CCNF: variants seen among roughly 807,000 people sequenced by gnomAD.
The protein encoded by CCNF is cyclin-F.
A neutral mutation model predicts 85.4 loss-of-function variants in CCNF; 30 were observed. The observed-to-expected ratio is 0.35, with a 90% CI of 0.26 to 0.48. The LOEUF is 0.48. Among genes scored for constraint, CCNF ranks in the 20% least tolerant of loss-of-function variants. The probability of loss-of-function intolerance (pLI) is 0.99; values close to 1 mark genes in which losing one functional copy is unlikely to be tolerated. For missense variants in CCNF, 919 were observed against 1,010.4 expected, an observed-to-expected ratio of 0.91 and a Z score of 1.23; for synonymous variants, 439 against 425.1, an observed-to-expected ratio of 1.03 and a Z score of -0.40.
In CCNF at chr16:2,445,580, G is replaced by T; in HGVS notation, c.1052G>T (p.Arg351Met). The T allele has an allele frequency of 3.1e-6, 5 of 1,613,710 alleles. No homozygotes were observed. Among genetic ancestry groups the T allele is most frequent in the African/African-American group, 1.3e-5 (1 of 75,040 alleles). The stretch of plus-strand genomic sequence containing the variant: ...CGGAGGAGGCTGGTGCCGCGGTACA[G>T]GCTCCAGCTGCTGGGCATCGCCTGC... Reference protein sequence around the residue: ...YLRRRLVPRYRLQLLGIACMV... With the variant: ...YLRRRLVPRYMLQLLGIACMV... Residue 351 changes from arginine to methionine, a missense_variant, in exon 10 of 17, where the codon AGG becomes ATG. Coordinates refer to ENST00000397066, the MANE Select transcript of CCNF (RefSeq NM_001761.3).
At position 2,456,435 on chromosome 16, in the gene CCNF, G is replaced by C. The variant is rs574904284; in HGVS notation, c.1886-110G>C. 1.4e-6 allele frequency: 1 copy of C among 709,152 alleles called. No individual in the cohort carries two copies. The allele number at this position is 709,152 out of a possible 1,614,324, so 43.9% of individuals were successfully genotyped here. A position where few individuals can be genotyped will look rare whatever the true frequency, so the allele number is the denominator to read the frequency against. The stretch of plus-strand genomic sequence containing the variant: ...CCACAGGAGGGTAACACAGGGGACC[G>C]TAGCAAGGTAGAAGATTCTTGACCT... On this transcript the variant is annotated intron_variant, in intron 16 of 16. Coordinates refer to ENST00000397066, the MANE Select transcript of CCNF (RefSeq NM_001761.3). This position sits in a 1 kb window ranked among gnomAD's most constrained non-coding sequence, Gnocchi z 4.5.
At chr16:2,437,056 C>T in intron 4 of CCNF, 73 bp from the exon 5 acceptor site, 1 of 1,332,798 alleles carries the variant, frequency 7.5e-7, no homozygotes, top group Non-Finnish European at 1.0e-6. Context: ...CACTTTCCAC[C>T]AAGACCATGG....
At chr16:2,450,448 T>G (rs1459747831) in intron 13 of CCNF, among the ~76,000 whole-genome samples, 1 of 150,390 alleles carries the variant, frequency 6.6e-6, no homozygotes, top group African/African-American at 2.5e-5. Flanking sequence ...GAGGCAGAGG[T>G]TGCGGTGAGC....
chr16:2,435,146 G>T (rs935314800), intron 3 of CCNF, among the ~76,000 whole-genome samples: 9 of 151,390 alleles, frequency 5.9e-5, no homozygotes, highest in Non-Finnish European at 1.0e-4. Flanking sequence ...AGCTACTCGG[G>T]AGGCTGAGGC....
At chr16:2,429,537 C>A in intron 1 of CCNF, 40 bp downstream of exon 1, 2 of 1,228,322 alleles carry the variant, frequency 1.6e-6, no homozygotes, top group Non-Finnish European at 2.0e-6. Flanking sequence ...TGCCCCACAC[C>A]CCTTCTGCCT....
In CCNF at chr16:2,439,791, A is replaced by G; in HGVS notation, c.742A>G (p.Arg248Gly). 1 of 1,614,136 alleles carries G rather than the reference A, an allele frequency of 6.2e-7. No homozygotes were observed. The highest frequency in any genetic ancestry group is 8.5e-7 in the Non-Finnish European group (1 of 1,180,006). ...GRCLHSFRKL[R>G]DYAAKGCWEA... ...ATGCCTCCACAGCTTCCGAAAACTC[A>G]GGGACTACGCTGCCAAAGGCTGCTG... Residue 248 changes from arginine to glycine, a missense_variant, in exon 8 of 17, where the codon AGG (arginine) becomes GGG (glycine). By Grantham distance (125) the Arg-to-Gly change is moderately radical. Around this residue, in one of 3 missense-constraint regions of CCNF, gnomAD observed 410 missense variants for 478.6 expected, o/e 0.86. Transcript: ENST00000397066.
In CCNF at chr16:2,445,718, T is replaced by G. The variant is rs573616639; in HGVS notation, c.1094+96T>G. ...CATGTGCTCCTCACTGGTTTGGTTT[T>G]GTTTTGTGTTGTTTTTTTTTTTTTC... On this transcript the variant is annotated intron_variant, in intron 10 of 16. Transcript: ENST00000397066. 1,597 of 1,081,398 alleles carry G rather than the reference T, an allele frequency of 1.5e-3. 23 individuals carry two copies. The South Asian group carries it at 0.018, about 12-fold the overall frequency. The allele number at this position is 1,081,398 out of a possible 1,614,324, so 67.0% of individuals were successfully genotyped here.
At position 2,453,585 on chromosome 16, in the gene CCNF, G is replaced by T; in HGVS notation, c.1715+48G>T. The T allele has an allele frequency of 1.2e-6, 2 of 1,610,014 alleles. No individual in the cohort carries two copies. The highest frequency in any genetic ancestry group is 1.7e-6 in the Non-Finnish European group (2 of 1,177,840). Reference sequence around the variant, plus strand: ...TGCGCCATACAATGCTGGCATCCTCGTGCCGGCCCAGTTCCCTCAGCGCTT... The same window carrying T: ...TGCGCCATACAATGCTGGCATCCTCTTGCCGGCCCAGTTCCCTCAGCGCTT... On this transcript the variant is annotated intron_variant, in intron 15 of 16. Transcript: ENST00000397066. The surrounding 1 kb of genome is among the most constrained non-coding windows in gnomAD (Gnocchi z 5.6).
chr16:2,450,079 C>T (rs897767837), intron 13 of CCNF, among the ~76,000 whole-genome samples, 164 bp downstream of exon 13: 9 of 151,840 alleles, frequency 5.9e-5, no homozygotes, highest in African/African-American at 1.9e-4. Context: ...TGGTGGTGCA[C>T]GCCTATAATT....
At chr16:2,445,349 C>G (rs767883143) in intron 9 of CCNF, 109 bp from the exon 10 acceptor site, 3 of 1,277,186 alleles carry the variant, frequency 2.3e-6, no homozygotes, top group Non-Finnish European at 2.2e-6. Flanking sequence ...ACCCATGATT[C>G]CAGAGCTAGC....
intron 10 of CCNF, 52 bp from the exon 11 acceptor site, chr16:2,448,802 AC>A: frequency 1.9e-6 from 3 of 1,583,544 alleles, no homozygotes; most frequent in Non-Finnish European, 2.6e-6. Context: ...CCTCCGCCCC[AC>A]CCCTGCCCCA....
Position 2,437,438 on chromosome 16 carries a change from A to G in CCNF, c.540+116A>G. 5.3e-6 allele frequency: 4 copies of G among 753,058 alleles called. No individual in the cohort carries two copies. In the South Asian group the frequency reaches 8.8e-5, roughly 16 times the overall value. The allele number at this position is 753,058 out of a possible 1,614,324, so 46.6% of individuals were successfully genotyped here. A position where few individuals can be genotyped will look rare whatever the true frequency, so the allele number is the denominator to read the frequency against. ...AGTCAGGAGCCTAAGGGAAGTGAAG[A>G]TGCAGAAAACTGAGAGTGCAGATAT... On this transcript the variant is annotated intron_variant, in intron 5 of 16. Transcript: ENST00000397066.
chr16:2,437,545 C>T lies in CCNF; in HGVS notation c.540+223C>T, dbSNP rs375320785. On this transcript the variant is annotated intron_variant, in intron 5 of 16. Coordinates refer to ENST00000397066, the MANE Select transcript of CCNF (RefSeq NM_001761.3). ...GGCTGTGGAGTTCTGGGTACACGTG[C>T]TGACAGCTGGAAACATGGGGCTGAG... The T allele has an allele frequency of 2.6e-3, 1,263 of 485,042 alleles. 2 individuals are homozygous for T. Among genetic ancestry groups the T allele is most frequent in the Non-Finnish European group, 3.4e-3 (924 of 272,748 alleles). 30.0% of individuals were successfully genotyped at this position (485,042 alleles called of 1,614,324 possible). A position where few individuals can be genotyped will look rare whatever the true frequency, so the allele number is the denominator to read the frequency against.
chr16:2,437,012 A>G (rs2065294517), intron 4 of CCNF, 117 bp from the exon 5 acceptor site: 2 of 616,426 alleles, frequency 3.2e-6, no homozygotes, highest in Non-Finnish European at 4.6e-6. Context: ...CCTGAAACAC[A>G]GCTGCTTTGC....
chr16:2,441,981 A>ATATGTTTT (rs1322601122), intron 8 of CCNF, among the ~76,000 whole-genome samples: 9 of 98,774 alleles, frequency 9.1e-5, no homozygotes, highest in Non-Finnish European at 1.7e-4. Context: ...ATATATATAT[A>ATATGTTTT]TGTTTTTGTT....
intron 4 of CCNF, chr16:2,436,503 C>A (rs961418261): frequency 6.6e-6 from 1 of 152,404 alleles, no homozygotes; most frequent in South Asian, 2.1e-4. Flanking sequence ...TACTTCTAAA[C>A]GATCTGGTGT....
chr16:2,439,953 AG>A, intron 8 of CCNF, 127 bp downstream of exon 8: 2 of 761,536 alleles, frequency 2.6e-6, no homozygotes, highest in South Asian at 3.0e-5. Flanking sequence ...GCCAGGATTG[AG>A]GGACACCCTA....
At position 2,452,700 on chromosome 16, in the gene CCNF, C is replaced by G. The variant is rs1160279760; in HGVS notation, c.1488-510C>G. On this transcript the variant is annotated intron_variant, in intron 13 of 16. Transcript: ENST00000397066. The surrounding 1 kb of genome is among the most constrained non-coding windows in gnomAD (Gnocchi z 4.1). ...CCTCAGCTGTCACCCTCCCGTTCCC[C>G]CCAACTTCCTCAGCGCTAGATGACC... 1 of 158,462 alleles carries G rather than the reference C, an allele frequency of 6.3e-6. No individual in the cohort carries two copies. The highest frequency in any genetic ancestry group is 1.8e-4 in the East Asian group (1 of 5,412). 9.8% of individuals were successfully genotyped at this position (158,462 alleles called of 1,614,324 possible).
chr16:2,439,936 A>G (rs2065312476), intron 8 of CCNF, 110 bp downstream of exon 8: 5 of 885,444 alleles, frequency 5.6e-6, no homozygotes, highest in Non-Finnish European at 9.1e-6. Flanking sequence ...GGGCTCCCAC[A>G]TGGGAGGCCA....
Sources: gnomAD v4.1 joint callset for allele counts (sites outside exome capture counted in the v4.1 genomes callset) on GRCh38, gnomAD v4.1.1 for gene constraint, gnomAD v4.1.1 regional missense constraint, Gnocchi (gnomAD v3.1) non-coding constraint, MANE v1.5 for transcripts, NCBI Gene and HGNC (gene_info 2026-07-23, HGNC 2026-07-21) for gene names.